Variants in PUM1 observed in about 807,000 individuals in gnomAD.
The protein encoded by PUM1 is pumilio homolog 1.
PUM1 carries 13 observed loss-of-function variants against 131.8 expected under a neutral mutation model. The ratio of observed to expected loss-of-function variants is 0.10; its 90% confidence interval spans 0.06 to 0.16. The LOEUF (loss-of-function observed/expected upper bound fraction) is 0.16, where lower values mean the gene tolerates loss of function less well. Among genes scored for constraint, PUM1 ranks in the 10% least tolerant of loss-of-function variants. PUM1 has a pLI of 1.00. For missense variants in PUM1, 961 were observed against 1,512.4 expected (o/e 0.64, Z 6.05); for synonymous variants, 509 against 556.5 (o/e 0.91, Z 1.20).
chr1:30,995,107 C>A lies in PUM1; in HGVS notation c.834G>T (p.Lys278Asn), dbSNP rs1249484975. The change falls in exon 6 of 22, where the codon AAG (lysine) becomes AAT (asparagine). Residue 278 changes from lysine (K) to asparagine (N), a missense_variant. By Grantham distance (94) the Lys-to-Asn change is moderately conservative (BLOSUM62 0). Transcript: ENST00000426105. ...DLKEEGDVMD[K>N]TNGLPVQNGI... ...CATTCTGCACTGGTAAACCATTGGT[C>A]TTGTCCATCACATCACCCTCCTCCT... The A allele has an allele frequency of 6.2e-7, 1 of 1,614,090 alleles. No individual in the cohort carries two copies. Among genetic ancestry groups the A allele is most frequent in the Non-Finnish European group, 8.5e-7 (1 of 1,180,026 alleles).
intron 6 of PUM1, among the ~76,000 whole-genome samples, chr1:30,993,854 T>C (rs1641890252): frequency 6.6e-6 from 1 of 152,090 alleles, no homozygotes; most frequent in Admixed American, 6.6e-5. Flanking sequence ...GCAGACCACT[T>C]GAGCTCAGGA....
At chr1:30,935,464 G>A (rs1639167759) in intron 21 of PUM1, among the ~76,000 whole-genome samples, 1 of 152,200 alleles carries the variant, frequency 6.6e-6, no homozygotes, top group South Asian at 2.1e-4. Context: ...CAACCCTGCT[G>A]AGAATACGAC....
chr1:30,959,141 A>AC (rs1452401553), intron 14 of PUM1, among the ~76,000 whole-genome samples: 6 of 152,262 alleles, frequency 3.9e-5, no homozygotes, highest in African/African-American at 1.4e-4. Flanking sequence ...TAAAAATCTT[A>AC]CTACAAATAA....
chr1:31,009,724 C>G (rs575743786), intron 3 of PUM1, among the ~76,000 whole-genome samples: 1 of 145,624 alleles, frequency 6.9e-6, no homozygotes, highest in East Asian at 2.0e-4. Context: ...GCCAAGATCA[C>G]GCCACTGTAC....
At chr1:31,035,145 G>A (rs1643565437) in intron 2 of PUM1, among the ~76,000 whole-genome samples, 1 of 152,072 alleles carries the variant, frequency 6.6e-6, no homozygotes, top group African/African-American at 2.4e-5. Flanking sequence ...TCTTTTAATA[G>A]TCATAACTAC....
chr1:30,981,503 G>C, intron 7 of PUM1, 98 bp from the exon 8 acceptor site: 1 of 619,364 alleles, frequency 1.6e-6, no homozygotes, highest in Non-Finnish European at 2.9e-6. Flanking sequence ...CACTTGTTTA[G>C]GCGTGACACC....
At chr1:31,024,935 C>T (rs146484108) in intron 3 of PUM1, among the ~76,000 whole-genome samples, 1 of 152,272 alleles carries the variant, frequency 6.6e-6, no homozygotes, top group East Asian at 1.9e-4. Context: ...CTAGAATCAT[C>T]GATTAGCAGA....
At chr1:30,952,444 G>A in intron 15 of PUM1, 81 bp from the exon 16 acceptor site, 4 of 1,595,744 alleles carry the variant, frequency 2.5e-6, no homozygotes, top group Non-Finnish European at 3.4e-6. Context: ...TTTATAGACT[G>A]CATCCGTTCT....
chr1:31,031,306 A>G (rs1283499614), intron 2 of PUM1, among the ~76,000 whole-genome samples: 1 of 152,234 alleles, frequency 6.6e-6, no homozygotes, highest in African/African-American at 2.4e-5. Context: ...CCAAAAACCT[A>G]CAAATACAGT....
Position 31,052,853 on chromosome 1 carries a change from G to A in PUM1, c.363+6351C>T, listed in dbSNP as rs55803457. On this transcript the variant is annotated intron_variant, in intron 2 of 21. Coordinates refer to ENST00000426105, the MANE Select transcript of PUM1 (RefSeq NM_001020658.2). ...CGAGCAGCTGGAATTACAGTAACGC[G>A]CCACGACGCCCGGCTGATTTTTGTA... Among the ~76,000 whole-genome samples the A allele has an allele frequency of 3.1e-3, 468 of 151,198 alleles. 2 individuals carry two copies. The highest frequency in any genetic ancestry group is 5.7e-3 in the Non-Finnish European group (388 of 67,876).
chr1:31,047,352 G>GA (rs570818105), intron 2 of PUM1, among the ~76,000 whole-genome samples: 109 of 147,454 alleles, frequency 7.4e-4, no homozygotes, highest in Non-Finnish European at 1.2e-3. Flanking sequence ...AAAAGGAAAA[G>GA]AAAAAAAAAA....
chr1:31,011,200 C>CACACAT (rs1478498985), intron 3 of PUM1, among the ~76,000 whole-genome samples: 1 of 149,492 alleles, frequency 6.7e-6, no homozygotes, highest in Non-Finnish European at 1.5e-5. Context: ...CACACACACA[C>CACACAT]ACACTGTGCT....
chr1:30,964,554 G>GAACA (rs1640546994), intron 14 of PUM1, 120 bp downstream of exon 14: 1 of 842,898 alleles, frequency 1.2e-6, no homozygotes, highest in South Asian at 1.6e-5. Context: ...GGAAGGCACA[G>GAACA]AACACCCAGG....
intron 14 of PUM1, among the ~76,000 whole-genome samples, chr1:30,964,247 ATAT>A (rs1557557542): frequency 6.6e-6 from 1 of 152,222 alleles, no homozygotes; most frequent in Non-Finnish European, 1.5e-5. Flanking sequence ...AAAAAGCAAG[ATAT>A]TATATGTACA....
intron 2 of PUM1, among the ~76,000 whole-genome samples, chr1:31,057,752 T>C (rs1209385705): frequency 1.5e-5 from 2 of 136,730 alleles, no homozygotes; most frequent in African/African-American, 5.6e-5. Flanking sequence ...AAAAAACAAC[T>C]ATGGTTCACT....
At chr1:30,957,292 T>C (rs1429353287) in intron 14 of PUM1, among the ~76,000 whole-genome samples, 2 of 152,368 alleles carry the variant, frequency 1.3e-5, no homozygotes, top group African/African-American at 2.4e-5. Context: ...AATTGTAATA[T>C]CTTGTTTTTG....
At chr1:31,021,415 G>A (rs1240105190) in intron 3 of PUM1, among the ~76,000 whole-genome samples, 1 of 152,080 alleles carries the variant, frequency 6.6e-6, no homozygotes, top group Non-Finnish European at 1.5e-5. Flanking sequence ...GATGTAAAAG[G>A]AAAAATAAAG....
chr1:30,999,381 C>T lies in PUM1; in HGVS notation c.721-4161G>A, dbSNP rs144384071. Among the ~76,000 whole-genome samples the T allele has an allele frequency of 7.4e-3, 1,123 of 151,970 alleles. 16 individuals are homozygous for T. The highest frequency in any genetic ancestry group is 0.026 in the African/African-American group (1,061 of 41,408). On this transcript the variant is annotated intron_variant, in intron 5 of 21. Coordinates refer to ENST00000426105, the MANE Select transcript of PUM1 (RefSeq NM_001020658.2). Reference sequence around the variant, plus strand: ...CAGCACTTTGAGAGGCCGAGGCAGGCGGATCACCTGAGGTCAGGAGTTCAA... The same window carrying T: ...CAGCACTTTGAGAGGCCGAGGCAGGTGGATCACCTGAGGTCAGGAGTTCAA...
chr1:31,028,017 T>C (rs1643287382), intron 3 of PUM1, among the ~76,000 whole-genome samples: 1 of 152,178 alleles, frequency 6.6e-6, no homozygotes, highest in Non-Finnish European at 1.5e-5. Context: ...GGGCCTGTGG[T>C]ATTTTAAGTA....
Sources: gnomAD v4.1 joint callset for allele counts (sites outside exome capture counted in the v4.1 genomes callset) on GRCh38, gnomAD v4.1.1 for gene constraint, MANE v1.5 for transcripts, NCBI Gene and HGNC (gene_info 2026-07-23, HGNC 2026-07-21) for gene names.